The following ARB2A variants were observed in gnomAD, a reference collection of about 807,000 sequenced individuals.
The protein encoded by ARB2A is ARB2 cotranscriptional regulator A.
the ARB2A span, among the ~76,000 whole-genome samples, chr5:93,843,058 A>C: frequency 4.6e-5 from 7 of 152,232 alleles, no homozygotes; most frequent in Non-Finnish European, 1.0e-4. Context: ...CTTCTTTGGA[A>C]AATGAAATCA....
chr5:93,798,037 G>C, the ARB2A span, among the ~76,000 whole-genome samples: 2 of 152,046 alleles, frequency 1.3e-5, no homozygotes, highest in Admixed American at 1.3e-4. Context: ...GACTCCTTGA[G>C]GGGAACGTTT....
chr5:94,101,557 A>G, the ARB2A span, among the ~76,000 whole-genome samples: 1 of 151,944 alleles, frequency 6.6e-6, no homozygotes. Context: ...CATCAATGAC[A>G]GACTGGATAA....
At chr5:94,047,751 T>C in the ARB2A span, among the ~76,000 whole-genome samples, 1 of 152,082 alleles carries the variant, frequency 6.6e-6, no homozygotes, top group African/African-American at 2.4e-5. Context: ...AAGGAATCAT[T>C]TACACATGGA....
At chr5:94,004,409 A>C in the ARB2A span, among the ~76,000 whole-genome samples, 1 of 151,856 alleles carries the variant, frequency 6.6e-6, no homozygotes, top group African/African-American at 2.4e-5. Context: ...GTGAAACCCC[A>C]TCTCTACTAA....
At chr5:94,054,719 C>T in the ARB2A span, among the ~76,000 whole-genome samples, 2 of 152,276 alleles carry the variant, frequency 1.3e-5, no homozygotes, top group Middle Eastern at 6.8e-3. Flanking sequence ...CCTCCCATAG[C>T]AAAGAACACC....
chr5:94,076,126 C>T, the ARB2A span, among the ~76,000 whole-genome samples: 3 of 152,256 alleles, frequency 2.0e-5, no homozygotes, highest in East Asian at 3.9e-4. Flanking sequence ...CACTTAATAA[C>T]ATCTCCGTGG....
At chr5:93,621,585 A>G in the ARB2A span, among the ~76,000 whole-genome samples, 3 of 152,236 alleles carry the variant, frequency 2.0e-5, no homozygotes, top group East Asian at 5.8e-4. Context: ...CACTCCCGAG[A>G]CTCGGCGCGC....
At chr5:93,739,246 A>AG in the ARB2A span, 193 of 152,224 alleles carry the variant, frequency 1.3e-3, no homozygotes, top group African/African-American at 4.3e-3. Context: ...ACCAGAAAAA[A>AG]AAAGAAAGAA....
chr5:94,016,363 T>C, the ARB2A span, among the ~76,000 whole-genome samples: 2 of 152,190 alleles, frequency 1.3e-5, no homozygotes, highest in African/African-American at 2.4e-5. Flanking sequence ...ATCTTTGGGT[T>C]TGAATACTGT....
At chr5:93,852,925 C>T in the ARB2A span, among the ~76,000 whole-genome samples, 2 of 150,150 alleles carry the variant, frequency 1.3e-5, no homozygotes, top group Non-Finnish European at 1.5e-5. Context: ...TTAGGACTGA[C>T]TTGGCGATGT....
the ARB2A span, among the ~76,000 whole-genome samples, chr5:94,075,424 G>C: frequency 4.5e-4 from 68 of 151,872 alleles, no homozygotes; most frequent in East Asian, 4.3e-3. Context: ...GCTCTACTTT[G>C]GCCAAAGGGA....
chr5:93,650,875 C>G, the ARB2A span, among the ~76,000 whole-genome samples: 4 of 151,758 alleles, frequency 2.6e-5, no homozygotes, highest in Non-Finnish European at 4.4e-5. Context: ...GCCTATAAAC[C>G]CAGCTTCTTG....
At chr5:94,081,695 A>G in the ARB2A span, among the ~76,000 whole-genome samples, 1 of 152,094 alleles carries the variant, frequency 6.6e-6, no homozygotes, top group African/African-American at 2.4e-5. Context: ...GAGTCGGGGG[A>G]AGAGAAAAAT....
chr5:93,910,915 T>G, the ARB2A span: 43 of 151,642 alleles, frequency 2.8e-4, no homozygotes, highest in Middle Eastern at 0.01. Context: ...TGAACATCTA[T>G]AAAACATAAA....
the ARB2A span, among the ~76,000 whole-genome samples, chr5:94,009,887 G>A: frequency 2.7e-5 from 4 of 148,338 alleles, no homozygotes; most frequent in Non-Finnish European, 4.5e-5. Context: ...ACCCTCTCTC[G>A]TATCTAAAAA....
the ARB2A span, among the ~76,000 whole-genome samples, chr5:94,004,998 C>CCAAAAAAAAAA: frequency 8.0e-5 from 1 of 12,552 alleles, no homozygotes; most frequent in African/African-American, 2.3e-4. Flanking sequence ...ATTTTATCAG[C>CCAAAAAAAAAA]AAAAAAAAAA....
At chr5:93,749,122 A>G in the ARB2A span, among the ~76,000 whole-genome samples, 1 of 151,120 alleles carries the variant, frequency 6.6e-6, no homozygotes, top group East Asian at 2.0e-4. Context: ...AACACTTTCG[A>G]TTTCATTTCC....
At chr5:93,865,464 A>G in the ARB2A span, 23 of 985,152 alleles carry the variant, frequency 2.3e-5, no homozygotes, top group African/African-American at 3.7e-4. Context: ...GTGACATGGT[A>G]CATAATCGAT....
chr5:93,719,030 T>C, the ARB2A span, among the ~76,000 whole-genome samples: 1 of 152,230 alleles, frequency 6.6e-6, no homozygotes, highest in Admixed American at 6.5e-5. Flanking sequence ...AGACATCCTA[T>C]CATTTCTTTA....
Sources: allele counts gnomAD v4.1 joint callset (sites outside exome capture counted in the v4.1 genomes callset), GRCh38; gene constraint gnomAD v4.1.1; transcripts MANE v1.5; gene names NCBI Gene and HGNC (gene_info 2026-07-23, HGNC 2026-07-21).